BRME1: variants seen among roughly 807,000 people sequenced by gnomAD.
BRME1 encodes the protein break repair meiotic recombinase recruitment factor 1.
BRME1 carries 31 observed loss-of-function variants against 52.6 expected under a neutral mutation model. The observed-to-expected ratio is 0.59, with a 90% CI of 0.44 to 0.80. The LOEUF (loss-of-function observed/expected upper bound fraction) is 0.80. Ranked by LOEUF, BRME1 falls within the 30% of genes least tolerant of loss-of-function variation. The pLI, the probability that BRME1 is intolerant of heterozygous loss-of-function variation, is 0.00. For synonymous variants in BRME1, 359 were observed against 353.6 expected (o/e 1.02, Z -0.17); for missense variants, 804 against 860.3 (o/e 0.93, Z 0.82).
intron 2 of BRME1, among the ~76,000 whole-genome samples, chr19:13,898,945 A>AT (rs1970111896): frequency 2.8e-5 from 4 of 145,438 alleles, no homozygotes; most frequent in Non-Finnish European, 1.5e-5. Context: ...AAAAAAAAAA[A>AT]GAATAACACT....
At chr19:13,892,998 T>C in intron 4 of BRME1, 108 bp from the exon 5 acceptor site, 1 of 1,367,616 alleles carries the variant, frequency 7.3e-7, no homozygotes, top group Non-Finnish European at 1.0e-6. Flanking sequence ...TTGAGAGAAC[T>C]CCACCCTTGC....
Position 13,889,713 on chromosome 19 carries a change from C to G in BRME1, c.1143G>C (p.Arg381Ser). The change falls in exon 6 of 9, where the codon AGG (arginine) becomes AGC (serine). Residue 381 changes from arginine (R) to serine (S), a missense_variant. Transcript: ENST00000586783. ...PRRKAADGGHRRALPGCTSLT... is the reference protein window; with the variant it reads ...PRRKAADGGHSRALPGCTSLT... ...GCGAGGTGCAGCCTGGCAAGGCCCT[C>G]CTGTGGCCTCCATCAGCGGCCTTCC... The G allele has an allele frequency of 6.2e-7, 1 of 1,608,704 alleles. No individual in the cohort carries two copies. The highest frequency in any genetic ancestry group is 2.2e-5 in the East Asian group (1 of 44,846).
rs1968776703 is a variant in BRME1 at position 13,883,370 on chromosome 19, G to A, written c.1794C>T (p.Ala598=). ...CGTTGGTGGCATCCTCCATCCTGGA[G>A]GCCTCAGAGGCCTGGATCCCCACGA... is the stretch of plus-strand genomic sequence containing the variant. ...RTFVGIQASE[A]SRMEDATNVV... is the part of the protein sequence containing the mutation. Residue 598 remains alanine, a synonymous_variant, in exon 8 of 9, where the codon GCC becomes GCT. Coordinates refer to ENST00000586783, the MANE Select transcript of BRME1 (RefSeq NM_001345843.2). The surrounding 1 kb of genome is among the most constrained non-coding windows in gnomAD (Gnocchi z 4.2). The A allele has an allele frequency of 1.3e-6, 2 of 1,535,120 alleles. No individual in the cohort carries two copies. The highest frequency in any genetic ancestry group is 1.7e-6 in the Non-Finnish European group (2 of 1,146,090).
rs561092009 is a variant in BRME1 at position 13,904,368 on chromosome 19, A to C, written c.31+494T>G. Among the ~76,000 whole-genome samples, 43 of 152,118 alleles carry C rather than the reference A, an allele frequency of 2.8e-4. 1 individual carries two copies. In the East Asian group the frequency reaches 8.1e-3, roughly 29 times the overall value. ...GCGATCCGCCCACCTCGGCCTCCCA[A>C]AGTGCTAGGATTACAGGCGTGAGCC... On this transcript the variant is annotated intron_variant, in intron 2 of 8. Transcript: ENST00000586783.
intron 3 of BRME1, 65 bp downstream of exon 3, chr19:13,895,307 G>T: frequency 1.3e-6 from 2 of 1,503,952 alleles, no homozygotes; most frequent in Non-Finnish European, 1.8e-6. Context: ...ATTGCTGTCT[G>T]CTGAGCTGCT....
At chr19:13,898,401 G>C (rs1024986641) in intron 2 of BRME1, among the ~76,000 whole-genome samples, 4 of 152,150 alleles carry the variant, frequency 2.6e-5, no homozygotes, top group African/African-American at 4.8e-5. Context: ...AGGATCACTT[G>C]AGTCCAGGAT....
chr19:13,893,589 C>G (rs188460041), intron 3 of BRME1, among the ~76,000 whole-genome samples: 2 of 152,038 alleles, frequency 1.3e-5, no homozygotes, highest in Admixed American at 1.3e-4. Flanking sequence ...ACTCACCTAT[C>G]GAGACAAACG....
In BRME1 at chr19:13,889,154, G is replaced by C. The variant is rs1047910489; in HGVS notation, c.1668+34C>G. 5.9e-6 allele frequency: 9 copies of C among 1,520,348 alleles called. No individual in the cohort carries two copies. In the African/African-American group the frequency reaches 1.1e-4, roughly 19 times the overall value. The allele number at this position is 1,520,348 out of a possible 1,614,324, so 94.2% of individuals were successfully genotyped here. On this transcript the variant is annotated intron_variant, in intron 6 of 8. Transcript: ENST00000586783. ...TTGTGGAGGTTGGGTGCCTGCCCTG[G>C]GCAGGTATGTCTGTCACTCAGGGCA...
chr19:13,900,956 T>G (rs1361519423), intron 2 of BRME1, among the ~76,000 whole-genome samples: 1 of 151,692 alleles, frequency 6.6e-6, no homozygotes, highest in East Asian at 1.9e-4. Context: ...ATTACAGGCA[T>G]GAGCCATCGT....
intron 2 of BRME1, among the ~76,000 whole-genome samples, chr19:13,904,263 C>T (rs1483624086): frequency 6.6e-6 from 1 of 152,002 alleles, no homozygotes; most frequent in Non-Finnish European, 1.5e-5. Flanking sequence ...GCCACCACGC[C>T]CAGCTAATTT....
rs1968799929 is a variant in BRME1 at position 13,883,745 on chromosome 19, G to C, written c.1764-345C>G. On this transcript the variant is annotated intron_variant, in intron 7 of 8. Coordinates refer to ENST00000586783, the MANE Select transcript of BRME1 (RefSeq NM_001345843.2). This position sits in a 1 kb window ranked among gnomAD's most constrained non-coding sequence, Gnocchi z 4.2. The stretch of plus-strand genomic sequence containing the variant: ...CTCCTCCCGCAGCTGTGCACCACCT[G>C]CCTGCCCCGTGCCCTCCCCTCATCC... 1 of 269,166 alleles carries C rather than the reference G, an allele frequency of 3.7e-6. No homozygotes were observed. The highest frequency in any genetic ancestry group is 5.8e-5 in the South Asian group (1 of 17,220). 16.7% of individuals were successfully genotyped at this position (269,166 alleles called of 1,614,324 possible).
At chr19:13,886,796 C>CA (rs61412091) in intron 6 of BRME1, among the ~76,000 whole-genome samples, 9,252 of 85,116 alleles carry the variant, frequency 0.11, 507 homozygotes, top group Middle Eastern at 0.2. Context: ...CCTGTCTGTA[C>CA]AAAAAAAAAA....
chr19:13,892,872 C>A lies in BRME1; in HGVS notation c.307G>T (p.Val103Phe). Residue 103 changes from valine to phenylalanine, a missense_variant, in exon 5 of 9, where the codon GTT (valine) becomes TTT (phenylalanine). Physicochemically the swap from Val to Phe is conservative, Grantham distance 50. Around this residue, in one of 3 missense-constraint regions of BRME1, gnomAD observed 234 missense variants for 258.1 expected, o/e 0.91. Coordinates refer to ENST00000586783, the MANE Select transcript of BRME1 (RefSeq NM_001345843.2). ...PPSQNSFGRF[V>F]PQFAKSRKTV... Reference sequence around the variant, plus strand: ...TTCCTGGATTTTGCAAACTGGGGAACAAACCTCCCGAATGAGTTCTGTAAA... The same window carrying A: ...TTCCTGGATTTTGCAAACTGGGGAAAAAACCTCCCGAATGAGTTCTGTAAA... The A allele has an allele frequency of 6.2e-7, 1 of 1,613,776 alleles. No individual in the cohort carries two copies. The highest frequency in any genetic ancestry group is 8.5e-7 in the Non-Finnish European group (1 of 1,179,630).
In BRME1 at chr19:13,889,578, T is replaced by A. The variant is rs1414326159; in HGVS notation, c.1278A>T (p.Gly426=). The A allele has an allele frequency of 1.2e-6, 2 of 1,612,606 alleles. No homozygotes were observed. Among genetic ancestry groups the A allele is most frequent in the South Asian group, 2.2e-5 (2 of 91,060 alleles). Residue 426 remains glycine, a synonymous_variant, in exon 6 of 9, where the codon GGA becomes GGT. Transcript: ENST00000586783. Reference sequence around the variant, plus strand: ...AATCTCCAGCACCCATCATGGACTCTCCGCTCCCAGGTGCCAGAGCCAGGG... The same window carrying A: ...AATCTCCAGCACCCATCATGGACTCACCGCTCCCAGGTGCCAGAGCCAGGG... The part of the protein sequence containing the change: ...TASLALAPGS[G]ESMMGAGDSG...
chr19:13,891,309 C>T (rs1484424704), intron 5 of BRME1, among the ~76,000 whole-genome samples: 1 of 151,782 alleles, frequency 6.6e-6, no homozygotes, highest in East Asian at 1.9e-4. Flanking sequence ...GCCACCATGC[C>T]CGGCTAATTT....
chr19:13,896,658 A>T (rs371663836), intron 2 of BRME1, among the ~76,000 whole-genome samples: 1 of 147,444 alleles, frequency 6.8e-6, no homozygotes, highest in Non-Finnish European at 1.5e-5. Context: ...ACGTATTTAC[A>T]TATATGTATT....
chr19:13,882,455 C>G lies in BRME1; in HGVS notation c.*347G>C, dbSNP rs1968702362. On this transcript the variant is annotated 3_prime_UTR_variant, in exon 9 of 9. Coordinates refer to ENST00000586783, the MANE Select transcript of BRME1 (RefSeq NM_001345843.2). ...GCTCTCTTCTCCTCCAGGAAAGAAA[C>G]AAATTCTGAACCATCCATACTTGGC... The G allele has an allele frequency of 4.8e-6, 2 of 413,730 alleles. No homozygotes were observed. The highest frequency in any genetic ancestry group is 4.3e-5 in the Admixed American group (1 of 23,214). 25.6% of individuals were successfully genotyped at this position (413,730 alleles called of 1,614,324 possible). A position where few individuals can be genotyped will look rare whatever the true frequency, so the allele number is the denominator to read the frequency against.
chr19:13,896,458 ATAT>A (rs1161695690), intron 2 of BRME1, among the ~76,000 whole-genome samples: 1 of 146,502 alleles, frequency 6.8e-6, no homozygotes, highest in Non-Finnish European at 1.5e-5. Context: ...TCCTTGTATT[ATAT>A]TATATATTTA....
chr19:13,902,592 C>T (rs1251332752), intron 2 of BRME1, among the ~76,000 whole-genome samples: 3 of 150,386 alleles, frequency 2.0e-5, no homozygotes, highest in South Asian at 2.1e-4. Flanking sequence ...GCCGAGATCG[C>T]GCCAGCCTGG....
Sources: gnomAD v4.1 joint callset for allele counts (sites outside exome capture counted in the v4.1 genomes callset) on GRCh38, gnomAD v4.1.1 for gene constraint, gnomAD v4.1.1 regional missense constraint, Gnocchi (gnomAD v3.1) non-coding constraint, MANE v1.5 for transcripts, NCBI Gene and HGNC (gene_info 2026-07-23, HGNC 2026-07-21) for gene names.